The following NTF3 variants were observed in gnomAD, a reference collection of about 807,000 sequenced individuals.
NTF3 encodes the protein neurotrophin 3, also known as neurotrophin-3.
In NTF3, 8 loss-of-function variants were observed where a neutral mutation model predicts 26.3. That is an observed-to-expected ratio of 0.30 (90% CI 0.18 to 0.55). The LOEUF is 0.55. NTF3 is among the 20% of genes least tolerant of loss of function. The pLI, the probability that NTF3 is intolerant of heterozygous loss-of-function variation, is 0.93. For missense variants in NTF3, 276 were observed against 352.9 expected (o/e 0.78, Z 1.75); for synonymous variants, 154 against 145.5 (o/e 1.06, Z -0.42).
At chr12:5,473,056 C>T (rs1019105179) in intron 1 of NTF3, among the ~76,000 whole-genome samples, 3 of 152,152 alleles carry the variant, frequency 2.0e-5, no homozygotes, top group African/African-American at 7.2e-5. Context: ...AAAAACAGCT[C>T]CTGGCCCGTC....
chr12:5,466,513 A>C (rs1366976648), intron 1 of NTF3, among the ~76,000 whole-genome samples: 1 of 152,236 alleles, frequency 6.6e-6, no homozygotes, highest in Non-Finnish European at 1.5e-5. Flanking sequence ...CTTTTGATCC[A>C]GACTTTCCTA....
At chr12:5,461,105 T>A (rs867681603) in intron 1 of NTF3, among the ~76,000 whole-genome samples, 2 of 152,170 alleles carry the variant, frequency 1.3e-5, no homozygotes, top group African/African-American at 4.8e-5. Flanking sequence ...TACTTATGTA[T>A]AAATCACATG....
intron 1 of NTF3, among the ~76,000 whole-genome samples, chr12:5,449,579 A>G (rs960735873): frequency 3.3e-5 from 5 of 152,178 alleles, no homozygotes; most frequent in Non-Finnish European, 7.3e-5. Context: ...TACCCGGAGT[A>G]TGGACAGGGC....
intron 1 of NTF3, among the ~76,000 whole-genome samples, chr12:5,491,091 C>T (rs1339254929): frequency 1.3e-5 from 2 of 152,202 alleles, no homozygotes; most frequent in Non-Finnish European, 2.9e-5. Context: ...GTTGCGCCTA[C>T]GAACCAAATG....
intron 1 of NTF3, among the ~76,000 whole-genome samples, chr12:5,472,641 G>A (rs1940679187): frequency 6.6e-6 from 1 of 152,126 alleles, no homozygotes; most frequent in South Asian, 2.1e-4. Flanking sequence ...CACAATGCCG[G>A]GTGACAAGGA....
intron 1 of NTF3, among the ~76,000 whole-genome samples, chr12:5,492,494 T>C (rs1420772967): frequency 6.6e-6 from 1 of 152,216 alleles, no homozygotes; most frequent in Non-Finnish European, 1.5e-5. Flanking sequence ...GCCTGTAATA[T>C]TGAAGAAAAT....
chr12:5,458,561 CAG>C (rs561623229), intron 1 of NTF3, among the ~76,000 whole-genome samples: 2 of 152,120 alleles, frequency 1.3e-5, no homozygotes, highest in Non-Finnish European at 2.9e-5. Context: ...TAAGTGAAAA[CAG>C]AAGGTGTTTG....
chr12:5,451,752 G>A (rs1940375761), intron 1 of NTF3, among the ~76,000 whole-genome samples: 1 of 152,128 alleles, frequency 6.6e-6, no homozygotes, highest in East Asian at 1.9e-4. Flanking sequence ...GTGTGGTGGC[G>A]TGGCACTCAT....
chr12:5,475,030 CA>C (rs1163287013), intron 1 of NTF3, among the ~76,000 whole-genome samples: 10 of 152,062 alleles, frequency 6.6e-5, no homozygotes, highest in Non-Finnish European at 8.8e-5. Context: ...TCTAGTAGGC[CA>C]TGGATGTCCC....
chr12:5,472,266 A>G (rs909621776), intron 1 of NTF3, among the ~76,000 whole-genome samples: 3 of 152,320 alleles, frequency 2.0e-5, no homozygotes, highest in African/African-American at 7.2e-5. Flanking sequence ...ATAAGCAGGC[A>G]GCTCGTGCGC....
chr12:5,465,442 G>A (rs1940577672), intron 1 of NTF3, among the ~76,000 whole-genome samples: 1 of 152,236 alleles, frequency 6.6e-6, no homozygotes, highest in South Asian at 2.1e-4. Flanking sequence ...GTAGCAGAGA[G>A]AAGGTAGTTT....
chr12:5,437,711 G>A (rs537082598), intron 1 of NTF3, among the ~76,000 whole-genome samples: 19 of 152,310 alleles, frequency 1.2e-4, no homozygotes, highest in African/African-American at 2.4e-4. Context: ...ACTAATGACC[G>A]TTGCTAGGGT....
At chr12:5,490,444 A>G (rs1472761912) in intron 1 of NTF3, among the ~76,000 whole-genome samples, 5 of 152,254 alleles carry the variant, frequency 3.3e-5, no homozygotes. Context: ...AGCTCTCTGC[A>G]GATGACAGGG....
chr12:5,465,945 G>A (rs984663189), intron 1 of NTF3, among the ~76,000 whole-genome samples: 12 of 152,164 alleles, frequency 7.9e-5, no homozygotes, highest in Admixed American at 1.3e-4. Flanking sequence ...GCTCCCCATC[G>A]AGCCTCAGAG....
At chr12:5,444,313 AAG>A (rs371034576) in intron 1 of NTF3, among the ~76,000 whole-genome samples, 6 of 152,314 alleles carry the variant, frequency 3.9e-5, no homozygotes, top group South Asian at 2.1e-4. Flanking sequence ...TGTCCACAGA[AAG>A]AGAGCGTGAG....
At chr12:5,470,955 G>A (rs1407749015) in intron 1 of NTF3, among the ~76,000 whole-genome samples, 1 of 151,314 alleles carries the variant, frequency 6.6e-6, no homozygotes, top group Non-Finnish European at 1.5e-5. Context: ...TGCACATGTT[G>A]TCAACACCTG....
intron 1 of NTF3, among the ~76,000 whole-genome samples, chr12:5,458,045 T>C (rs1033775764): frequency 2.6e-5 from 4 of 152,212 alleles, no homozygotes; most frequent in African/African-American, 9.6e-5. Flanking sequence ...AATCTTATAA[T>C]GGCTCTCCAG....
rs755835073 is a variant in NTF3, at chr12:5,456,973, C to T, written c.18+24631C>T. Among the ~76,000 whole-genome samples, 4 of 152,114 alleles carry T rather than the reference C, an allele frequency of 2.6e-5. No individual in the cohort carries two copies. Among genetic ancestry groups the T allele is most frequent in the African/African-American group, 7.2e-5 (3 of 41,406 alleles). On this transcript the variant is annotated intron_variant, in intron 1 of 1. Transcript: ENST00000423158. The surrounding 1 kb of genome is among the most constrained non-coding windows in gnomAD (Gnocchi z 4.4). ...AGAACGGCCTCCCATCTCCACTGCC[C>T]GTCCCCAGGTCCACAGGCTCACAGA...
chr12:5,477,263 A>G (rs570400361), intron 1 of NTF3, among the ~76,000 whole-genome samples: 2 of 152,268 alleles, frequency 1.3e-5, no homozygotes, highest in South Asian at 4.1e-4. Context: ...TAGTATTGCC[A>G]TGGTGTGATC....
Sources: allele counts gnomAD v4.1 joint callset (sites outside exome capture counted in the v4.1 genomes callset), GRCh38; gene constraint gnomAD v4.1.1; non-coding constraint Gnocchi (gnomAD v3.1); transcripts MANE v1.5; gene names NCBI Gene and HGNC (gene_info 2026-07-23, HGNC 2026-07-21).